RBFOX3: variants seen among roughly 807,000 people sequenced by gnomAD.
The protein encoded by RBFOX3 is RNA binding protein fox-1 homolog 3.
Under a neutral mutation model 48.7 loss-of-function variants are expected in RBFOX3, and 17 were observed. The ratio of observed to expected loss-of-function variants is 0.35; its 90% CI spans 0.24 to 0.52. The LOEUF is 0.52. RBFOX3 is among the 20% of genes least tolerant of loss of function. The pLI is 0.94. For synonymous variants in RBFOX3, 212 were observed against 209.5 expected, an observed-to-expected ratio of 1.01 and a Z score of -0.10; for missense variants, 382 against 497.5, an observed-to-expected ratio of 0.77 and a Z score of 2.21.
At chr17:79,216,197 A>G (rs2059020073) in intron 4 of RBFOX3, among the ~76,000 whole-genome samples, 1 of 152,180 alleles carries the variant, frequency 6.6e-6, no homozygotes, top group Non-Finnish European at 1.5e-5. Context: ...GGGTGGGGAG[A>G]GCAGCCCAGC....
rs1294550897 is a variant in RBFOX3 at position 79,292,017 on chromosome 17, AC to A, written c.-74+15706del. ...CCCTACTTAGATGCTGTAGCTTAGG[AC>A]CCCCAAAGCCAGCCACGGAGCTCTC... is the stretch of plus-strand genomic sequence containing the variant. On this transcript the variant is annotated intron_variant, in intron 3 of 14. Coordinates refer to ENST00000693108, the MANE Select transcript of RBFOX3 (RefSeq NM_001350451.2). 7.4e-4 allele frequency among the ~76,000 whole-genome samples: 113 copies of A among 151,918 alleles called. 1 individual carries two copies. The highest frequency in any genetic ancestry group is 3.2e-4 in the Non-Finnish European group (22 of 67,940).
chr17:79,185,354 A>T (rs1013294841), intron 4 of RBFOX3, among the ~76,000 whole-genome samples: 1 of 152,176 alleles, frequency 6.6e-6, no homozygotes, highest in African/African-American at 2.4e-5. Flanking sequence ...TTCCCAGCCT[A>T]GGACAGTGGT....
At chr17:79,170,138 G>GAGGA (rs1568273577) in intron 4 of RBFOX3, among the ~76,000 whole-genome samples, 15 of 121,252 alleles carry the variant, frequency 1.2e-4, no homozygotes, top group Non-Finnish European at 2.1e-4. Flanking sequence ...AAGGAGGAAG[G>GAGGA]AGGGAAGGAA....
chr17:79,262,392 C>T lies in RBFOX3; in HGVS notation c.-73-26587G>A, dbSNP rs550664687. Among the ~76,000 whole-genome samples the T allele has an allele frequency of 2.0e-4, 30 of 152,368 alleles. No individual in the cohort carries two copies. In the South Asian group the frequency reaches 3.1e-3, roughly 16 times the overall value. On this transcript the variant is annotated intron_variant, in intron 3 of 14. Transcript: ENST00000693108. Reference sequence around the variant, plus strand: ...GCAAGCAGATCCCACTGAGGGGACACGGTCCCTCTCCTTGGTTTCCCTGCC... The same window carrying T: ...GCAAGCAGATCCCACTGAGGGGACATGGTCCCTCTCCTTGGTTTCCCTGCC...
chr17:79,291,494 G>A (rs2073252583), intron 3 of RBFOX3, among the ~76,000 whole-genome samples: 1 of 152,190 alleles, frequency 6.6e-6, no homozygotes, highest in African/African-American at 2.4e-5. Context: ...TCTTGCAAAA[G>A]CTCTTGGTCA....
chr17:79,165,973 C>T (rs1017193027), intron 4 of RBFOX3, among the ~76,000 whole-genome samples: 1 of 152,228 alleles, frequency 6.6e-6, no homozygotes, highest in Non-Finnish European at 1.5e-5. Flanking sequence ...CACCCGCGTG[C>T]ACTGGCCGGG....
At chr17:79,225,656 C>T (rs576525424) in intron 4 of RBFOX3, among the ~76,000 whole-genome samples, 3 of 152,252 alleles carry the variant, frequency 2.0e-5, no homozygotes, top group South Asian at 2.1e-4. Flanking sequence ...CCAAGGGGAG[C>T]GTGTGTCCAT....
chr17:79,616,446 G>A, the RBFOX3 span, among the ~76,000 whole-genome samples: 2 of 151,694 alleles, frequency 1.3e-5, no homozygotes, highest in Non-Finnish European at 2.9e-5. Flanking sequence ...TGAGGCAGGA[G>A]AGTCACTTGA....
At chr17:79,202,276 A>G (rs2056872918) in intron 4 of RBFOX3, among the ~76,000 whole-genome samples, 1 of 152,070 alleles carries the variant, frequency 6.6e-6, no homozygotes, top group African/African-American at 2.4e-5. Flanking sequence ...GAGCCTGGAA[A>G]CAGAGTGGGA....
chr17:79,383,679 A>G (rs2060216413), intron 2 of RBFOX3, among the ~76,000 whole-genome samples: 1 of 152,134 alleles, frequency 6.6e-6, no homozygotes, highest in Non-Finnish European at 1.5e-5. Flanking sequence ...AAAGTACTAG[A>G]ACATGTGGTG....
At chr17:79,655,666 T>C in the RBFOX3 span, among the ~76,000 whole-genome samples, 924 of 152,216 alleles carry the variant, frequency 6.1e-3, 12 homozygotes, top group African/African-American at 0.021. Context: ...GAAGTACAGC[T>C]CCAGACTCAC....
intron 2 of RBFOX3, among the ~76,000 whole-genome samples, chr17:79,325,233 C>T (rs2079123352): frequency 6.6e-6 from 1 of 152,218 alleles, no homozygotes; most frequent in African/African-American, 2.4e-5. Flanking sequence ...TCCCCAGCCC[C>T]CTGGGTGGGC....
chr17:79,241,527 C>T (rs1007801832), intron 3 of RBFOX3, among the ~76,000 whole-genome samples: 10 of 152,074 alleles, frequency 6.6e-5, no homozygotes, highest in East Asian at 5.8e-4. Context: ...CTGATGTTGA[C>T]GTGGAAGGTG....
At chr17:79,302,823 C>T (rs1280959431) in intron 3 of RBFOX3, among the ~76,000 whole-genome samples, 1 of 152,090 alleles carries the variant, frequency 6.6e-6, no homozygotes. Context: ...AAATTATTCC[C>T]AAGTAAGGGG....
At position 79,493,924 on chromosome 17, in the gene RBFOX3, T is replaced by C. The variant is rs1598928860; in HGVS notation, c.-319-11326A>G. ...AACATAGCTGGGCTGGGGGAGGAGGTGGAGAAGGACAGGAGACTCTGAAGT... is the reference window on the plus strand; with the variant it reads ...AACATAGCTGGGCTGGGGGAGGAGGCGGAGAAGGACAGGAGACTCTGAAGT... On this transcript the variant is annotated intron_variant, in intron 1 of 14. Transcript: ENST00000693108. Among the ~76,000 whole-genome samples, 3 of 151,512 alleles carry C rather than the reference T, an allele frequency of 2.0e-5. No homozygotes were observed. In the South Asian group the frequency reaches 6.3e-4, roughly 32 times the overall value.
At chr17:79,378,058 C>T (rs1424352545) in intron 2 of RBFOX3, among the ~76,000 whole-genome samples, 3 of 152,172 alleles carry the variant, frequency 2.0e-5, no homozygotes, top group African/African-American at 4.8e-5. Context: ...ATGGAGGAAG[C>T]GGATTGTGAA....
At chr17:79,168,478 G>T (rs143848480) in intron 4 of RBFOX3, among the ~76,000 whole-genome samples, 1,849 of 152,322 alleles carry the variant, frequency 0.012, 40 homozygotes, top group African/African-American at 0.042. Context: ...AACAGAAGAG[G>T]CCCGTGCCCA....
At chr17:79,124,754 C>T (rs2036713907) in intron 4 of RBFOX3, among the ~76,000 whole-genome samples, 1 of 152,242 alleles carries the variant, frequency 6.6e-6, no homozygotes, top group Admixed American at 6.5e-5. Context: ...CCCGCCTCTG[C>T]TCCATGAACC....
At chr17:79,487,477 C>T (rs1321896589) in intron 1 of RBFOX3, among the ~76,000 whole-genome samples, 5 of 152,174 alleles carry the variant, frequency 3.3e-5, no homozygotes, top group East Asian at 1.9e-4. Context: ...AGAGCCTGGC[C>T]GAATCACCAT....
Sources: allele counts gnomAD v4.1 joint callset (sites outside exome capture counted in the v4.1 genomes callset), GRCh38; gene constraint gnomAD v4.1.1; transcripts MANE v1.5; gene names NCBI Gene and HGNC (gene_info 2026-07-23, HGNC 2026-07-21).